PACRGL: variants seen among roughly 807,000 people sequenced by gnomAD.
The protein encoded by PACRGL is parkin coregulated like, also known as PACRG-like protein.
In PACRGL, 38 loss-of-function variants were observed where a neutral mutation model predicts 34.5. The observed-to-expected ratio is 1.10, with a 90% confidence interval of 0.85 to 1.44. PACRGL has a LOEUF of 1.44. Ranked by LOEUF, PACRGL falls within the 40% of genes most tolerant of loss-of-function variation. PACRGL has a pLI of 0.00. For missense variants in PACRGL, 305 were observed against 281.4 expected, an observed-to-expected ratio of 1.08 and a Z score of -0.60; for synonymous variants, 128 against 100.1, an observed-to-expected ratio of 1.28 and a Z score of -1.66.
At chr4:20,715,629 G>A (rs540341515) in intron 7 of PACRGL, among the ~76,000 whole-genome samples, 100 of 152,212 alleles carry the variant, frequency 6.6e-4, no homozygotes, top group African/African-American at 1.9e-3. Context: ...ACACTTTGGA[G>A]GCTGAGGTGG....
downstream of PACRGL, among the ~76,000 whole-genome samples, chr4:20,735,120 G>A (rs1215197045): frequency 6.6e-6 from 1 of 152,110 alleles, no homozygotes; most frequent in Non-Finnish European, 1.5e-5. Context: ...ATGAAAAACC[G>A]TTTGCTAATA....
At chr4:20,733,743 C>T (rs922887190), downstream of PACRGL, among the ~76,000 whole-genome samples, 1 of 152,090 alleles carries the variant, frequency 6.6e-6, no homozygotes, top group Non-Finnish European at 1.5e-5. Context: ...GGATATGCTC[C>T]ATATACATGA....
At chr4:20,734,769 ATT>A, downstream of PACRGL, 1 of 1,328,524 alleles carries the variant, frequency 7.5e-7, no homozygotes, top group African/African-American at 1.5e-5. Flanking sequence ...TTTATATGAC[ATT>A]TTTAAAAAAA....
chr4:20,734,516 AT>A (rs1749113734), downstream of PACRGL: 1 of 545,058 alleles, frequency 1.8e-6, no homozygotes, highest in Non-Finnish European at 3.2e-6. Flanking sequence ...TACATAAAAT[AT>A]TTTGGAATTT....
chr4:20,702,009 T>C, intron 1 of PACRGL: 2 of 443,462 alleles, frequency 4.5e-6, no homozygotes, highest in South Asian at 3.2e-5. Context: ...AATTATATAT[T>C]GTACATAAAA....
chr4:20,722,353 C>T (rs1180108157), intron 7 of PACRGL, among the ~76,000 whole-genome samples: 1 of 152,210 alleles, frequency 6.6e-6, no homozygotes, highest in Non-Finnish European at 1.5e-5. Flanking sequence ...GTCCAACAAG[C>T]CCCAGTGAGA....
chr4:20,710,031 C>G (rs1736387609), intron 5 of PACRGL, among the ~76,000 whole-genome samples: 1 of 151,976 alleles, frequency 6.6e-6, no homozygotes, highest in Admixed American at 6.6e-5. Flanking sequence ...TTTGTACTTA[C>G]TTCAAAAAAA....
intron 8 of PACRGL, among the ~76,000 whole-genome samples, chr4:20,726,324 C>T (rs1369241230): frequency 6.6e-6 from 1 of 152,062 alleles, no homozygotes; most frequent in African/African-American, 2.4e-5. Flanking sequence ...TTGAATGTTG[C>T]TAATACAGAA....
downstream of PACRGL, among the ~76,000 whole-genome samples, chr4:20,736,143 A>G (rs1404272322): frequency 6.6e-6 from 1 of 152,168 alleles, no homozygotes; most frequent in Non-Finnish European, 1.5e-5. Flanking sequence ...TCACTCATAG[A>G]CTACTGGCAT....
At chr4:20,734,900 A>C (rs1749215938), downstream of PACRGL, among the ~76,000 whole-genome samples, 1 of 152,192 alleles carries the variant, frequency 6.6e-6, no homozygotes. Flanking sequence ...TGTGGGCATA[A>C]ATCACTCCTT....
At chr4:20,735,530 G>GTTTTT (rs10542507), downstream of PACRGL, among the ~76,000 whole-genome samples, 1 of 109,714 alleles carries the variant, frequency 9.1e-6, no homozygotes, top group Non-Finnish European at 1.8e-5. Context: ...TTTTTTTTTT[G>GTTTTT]TTTTTTTTTT....
intron 7 of PACRGL, among the ~76,000 whole-genome samples, chr4:20,723,789 A>AC (rs1192477693): frequency 6.6e-6 from 1 of 152,118 alleles, no homozygotes; most frequent in Non-Finnish European, 1.5e-5. Flanking sequence ...CTTTGGGAAG[A>AC]CCTAGACACC....
chr4:20,727,189 G>A, intron 8 of PACRGL, 96 bp from the exon 9 acceptor site: 1 of 1,114,876 alleles, frequency 9.0e-7, no homozygotes, highest in Non-Finnish European at 1.3e-6. Context: ...TTTTGTTTGA[G>A]TTTTAGATAC....
downstream of PACRGL, chr4:20,732,775 T>C (rs1391210642): frequency 1.2e-6 from 2 of 1,601,174 alleles, no homozygotes; most frequent in Non-Finnish European, 1.7e-6. Context: ...TTTCATTATA[T>C]CAAGCATTTC....
At chr4:20,764,099 A>G in the PACRGL span, among the ~76,000 whole-genome samples, 1 of 152,176 alleles carries the variant, frequency 6.6e-6, no homozygotes, top group Non-Finnish European at 1.5e-5. Context: ...GCAAGCTTCT[A>G]CTAACCCTTA....
chr4:20,728,030 T>G lies in PACRGL; in HGVS notation c.*689T>G, dbSNP rs1425957470. 1 of 152,302 alleles carries G rather than the reference T, an allele frequency of 6.6e-6. No homozygotes were observed. Among genetic ancestry groups the G allele is most frequent in the African/African-American group, 2.4e-5 (1 of 41,438 alleles). 9.4% of individuals were successfully genotyped at this position (152,302 alleles called of 1,614,324 possible). ...GTCTCAGAATTCTGGTGAGTGATCC[T>G]CCCACAGTGGACTTCCAAAGTGCTG... On this transcript the variant is annotated 3_prime_UTR_variant, in exon 9 of 9. Coordinates refer to ENST00000503585, the MANE Select transcript of PACRGL (RefSeq NM_001258345.3).
At chr4:20,743,703 G>A (rs1231888704) in intron 8 of PACRGL, among the ~76,000 whole-genome samples, 2 of 152,194 alleles carry the variant, frequency 1.3e-5, no homozygotes, top group Middle Eastern at 3.4e-3. Flanking sequence ...TCAGGACATA[G>A]GCATGGGCAA....
At position 20,724,912 on chromosome 4, in the gene PACRGL, G is replaced by GTT. The variant is rs768259276; in HGVS notation, c.690+25_690+26insTT. ...GTGTAAGTAGAATATTATTCCTTAA[G>GTT]TCTTTTTTTTTAACTTTTAGGTGTA... On this transcript the variant is annotated intron_variant, in intron 8 of 8. Transcript: ENST00000503585. 8.8e-6 allele frequency: 11 copies of GTT among 1,255,144 alleles called. No individual in the cohort carries two copies. The South Asian group carries it at 2.0e-4, about 22-fold the overall frequency. 77.8% of individuals were successfully genotyped at this position (1,255,144 alleles called of 1,614,324 possible).
Position 20,729,980 on chromosome 4 carries a change from C to T in PACRGL, c.*2639C>T, listed in dbSNP as rs898105205. ...CAAAGCTTGTTTGCATAATATGCTT[C>T]AGTGTCAAGCTGAGCAATCTATGCT... On this transcript the variant is annotated 3_prime_UTR_variant, in exon 9 of 9. Coordinates refer to ENST00000503585, the MANE Select transcript of PACRGL (RefSeq NM_001258345.3). The T allele has an allele frequency of 7.1e-5, 93 of 1,310,942 alleles. No homozygotes were observed. The highest frequency in any genetic ancestry group is 9.5e-5 in the Non-Finnish European group (93 of 974,756). The allele number at this position is 1,310,942 out of a possible 1,614,324, so 81.2% of individuals were successfully genotyped here.
Sources: gnomAD v4.1 joint callset for allele counts (sites outside exome capture counted in the v4.1 genomes callset) on GRCh38, gnomAD v4.1.1 for gene constraint, MANE v1.5 for transcripts, NCBI Gene and HGNC (gene_info 2026-07-23, HGNC 2026-07-21) for gene names.